ZNF503: variants seen among roughly 807,000 people sequenced by gnomAD.
ZNF503 encodes the protein NocA-like zinc finger 2.
In ZNF503, 15 loss-of-function variants were observed where a neutral mutation model predicts 34.4. The ratio of observed to expected loss-of-function variants is 0.44; its 90% CI spans 0.29 to 0.67. The LOEUF (loss-of-function observed/expected upper bound fraction) is 0.67, where lower values mean the gene tolerates loss of function less well. ZNF503 is among the 30% of genes least tolerant of loss of function. ZNF503 has a pLI of 0.13. For synonymous variants in ZNF503, 580 were observed against 456.8 expected (o/e 1.27, Z -3.44); for missense variants, 1,007 against 926.8 (o/e 1.09, Z -1.12).
the ZNF503 span, among the ~76,000 whole-genome samples, chr10:75,360,152 G>A: frequency 1.6e-5 from 2 of 128,602 alleles, no homozygotes; most frequent in South Asian, 2.4e-4. Context: ...ACAGAATCTC[G>A]CTCTGTCACC....
At chr10:75,296,762 G>C in the ZNF503 span, 1 of 152,436 alleles carries the variant, frequency 6.6e-6, no homozygotes, top group Non-Finnish European at 1.5e-5. Flanking sequence ...CATGGGGCAG[G>C]GGGAGGGAGA....
At chr10:75,328,421 C>A in the ZNF503 span, among the ~76,000 whole-genome samples, 1 of 152,080 alleles carries the variant, frequency 6.6e-6, no homozygotes, top group Non-Finnish European at 1.5e-5. Flanking sequence ...ATATTTATTT[C>A]TGGGTTCTTA....
chr10:75,363,803 T>C, the ZNF503 span, among the ~76,000 whole-genome samples: 2 of 152,250 alleles, frequency 1.3e-5, no homozygotes, highest in African/African-American at 2.4e-5. Context: ...ATGGCTCTAA[T>C]ATACACTGGA....
At chr10:75,345,776 C>T in the ZNF503 span, among the ~76,000 whole-genome samples, 1 of 151,958 alleles carries the variant, frequency 6.6e-6, no homozygotes, top group African/African-American at 2.4e-5. Context: ...TGGGGGCTGG[C>T]GCCAGCTCAG....
the ZNF503 span, among the ~76,000 whole-genome samples, chr10:75,379,318 A>G: frequency 6.6e-6 from 1 of 152,218 alleles, no homozygotes; most frequent in Non-Finnish European, 1.5e-5. Context: ...AGTGTTGATG[A>G]ATATGACATG....
chr10:75,318,556 C>G, the ZNF503 span, among the ~76,000 whole-genome samples: 31 of 151,596 alleles, frequency 2.0e-4, no homozygotes, highest in Non-Finnish European at 4.1e-4. Flanking sequence ...GTAGTACCAG[C>G]TGCTCAGGAG....
the ZNF503 span, among the ~76,000 whole-genome samples, chr10:75,377,920 C>T: frequency 1.3e-5 from 2 of 152,114 alleles, no homozygotes; most frequent in African/African-American, 4.8e-5. Flanking sequence ...GGGGAGGCCT[C>T]AGGAAACTTT....
chr10:75,381,805 C>CTTT, the ZNF503 span, among the ~76,000 whole-genome samples: 194 of 38,638 alleles, frequency 5.0e-3, 51 homozygotes, highest in East Asian at 0.022. Context: ...GAACCTAATT[C>CTTT]TTTTTTTTTT....
At chr10:75,339,036 T>G in the ZNF503 span, among the ~76,000 whole-genome samples, 1 of 152,136 alleles carries the variant, frequency 6.6e-6, no homozygotes, top group Non-Finnish European at 1.5e-5. Context: ...GAGACCAGCC[T>G]GGGAAACATG....
the ZNF503 span, among the ~76,000 whole-genome samples, chr10:75,356,881 T>C: frequency 6.6e-6 from 1 of 152,232 alleles, no homozygotes; most frequent in African/African-American, 2.4e-5. Context: ...GGAAGGTTTT[T>C]ACTCCCATTT....
chr10:75,353,015 G>C, the ZNF503 span, among the ~76,000 whole-genome samples: 279 of 152,212 alleles, frequency 1.8e-3, 1 homozygote, highest in African/African-American at 5.2e-3. Flanking sequence ...GTGTCCCGAG[G>C]GGGGGCACCT....
the ZNF503 span, among the ~76,000 whole-genome samples, chr10:75,316,240 G>C: frequency 6.6e-6 from 1 of 152,154 alleles, no homozygotes; most frequent in Admixed American, 6.5e-5. Flanking sequence ...GACATATTCA[G>C]AACCTTCTAT....
In ZNF503 at chr10:75,399,054, GA is replaced by G; in HGVS notation, c.1635del (p.Thr548GlnfsTer90). 6.2e-7 allele frequency: 1 copy of G among 1,613,110 alleles called. No homozygotes were observed. On this transcript the variant is annotated frameshift_variant, in exon 2 of 2. Coordinates refer to ENST00000372524, the MANE Select transcript of ZNF503 (RefSeq NM_032772.6). LOFTEE classifies it high-confidence loss of function. ...LLSHLRTHTA[F>X]PGTDKLLSGY... ...CCCGACAGCAGTTTGTCTGTCCCGGGAAATGCCGTATGGGTCCGCAAGTGGC... is the reference window on the plus strand; with the variant it reads ...CCCGACAGCAGTTTGTCTGTCCCGGGAATGCCGTATGGGTCCGCAAGTGGC...
the ZNF503 span, among the ~76,000 whole-genome samples, chr10:75,348,507 A>ATTTTTTTTT: frequency 2.0e-5 from 2 of 99,356 alleles, no homozygotes; most frequent in Non-Finnish European, 3.8e-5. Context: ...CCCTATTACT[A>ATTTTTTTTT]TTTTTTTTTT....
At chr10:75,361,617 A>G in the ZNF503 span, 18 of 152,212 alleles carry the variant, frequency 1.2e-4, no homozygotes, top group African/African-American at 3.1e-4. Context: ...AAAAAATCCT[A>G]CAAGGAAACC....
At chr10:75,351,381 A>C in the ZNF503 span, among the ~76,000 whole-genome samples, 2 of 152,102 alleles carry the variant, frequency 1.3e-5, no homozygotes, top group Admixed American at 1.3e-4. Flanking sequence ...CATGTTGGCC[A>C]GGCTGGTTTC....
chr10:75,306,566 G>T, the ZNF503 span, among the ~76,000 whole-genome samples: 1 of 152,064 alleles, frequency 6.6e-6, no homozygotes, highest in Non-Finnish European at 1.5e-5. Context: ...TTGAATTTGT[G>T]TATAGGCATA....
At chr10:75,397,508 T>C (rs1843714903), downstream of ZNF503, among the ~76,000 whole-genome samples, 1 of 152,168 alleles carries the variant, frequency 6.6e-6, no homozygotes, top group Non-Finnish European at 1.5e-5. Flanking sequence ...GAGGGAAATT[T>C]AACAAAAACC....
At chr10:75,321,956 A>T in the ZNF503 span, among the ~76,000 whole-genome samples, 1 of 152,170 alleles carries the variant, frequency 6.6e-6, no homozygotes, top group African/African-American at 2.4e-5. Flanking sequence ...TTGTTCTTCT[A>T]GTATCTTAAT....
Sources: allele counts gnomAD v4.1 joint callset (sites outside exome capture counted in the v4.1 genomes callset), GRCh38; gene constraint gnomAD v4.1.1; transcripts MANE v1.5; gene names NCBI Gene and HGNC (gene_info 2026-07-23, HGNC 2026-07-21).